KIF21A: variants seen among roughly 807,000 people sequenced by gnomAD.
The protein encoded by KIF21A is kinesin family member 21A.
KIF21A carries 114 observed loss-of-function variants against 202.9 expected under a neutral mutation model. The ratio of observed to expected loss-of-function variants is 0.56; its 90% CI spans 0.48 to 0.66. The LOEUF (loss-of-function observed/expected upper bound fraction) is 0.66. Ranked by LOEUF, KIF21A falls within the 30% of genes least tolerant of loss-of-function variation. The pLI, the probability that KIF21A is intolerant of heterozygous loss-of-function variation, is 0.00. For missense variants in KIF21A, 1,677 were observed against 1,994.9 expected, an observed-to-expected ratio of 0.84 and a Z score of 3.04; for synonymous variants, 667 against 670.8, an observed-to-expected ratio of 0.99 and a Z score of 0.09.
chr12:39,316,295 T>C (rs1944534600), intron 29 of KIF21A, among the ~76,000 whole-genome samples: 1 of 152,114 alleles, frequency 6.6e-6, no homozygotes, highest in Non-Finnish European at 1.5e-5. Context: ...ACTTCAAGGT[T>C]TGCTCTATTT....
chr12:39,390,954 G>T (rs1951302362), intron 1 of KIF21A, among the ~76,000 whole-genome samples: 1 of 152,160 alleles, frequency 6.6e-6, no homozygotes, highest in Non-Finnish European at 1.5e-5. Context: ...AACCCTGTGA[G>T]TATTCTCTAG....
chr12:39,340,143 A>G, intron 16 of KIF21A, 22 bp downstream of exon 16: 1 of 1,586,376 alleles, frequency 6.3e-7, no homozygotes, highest in Non-Finnish European at 8.6e-7. Flanking sequence ...ATCAAACGTT[A>G]ATGGAAAAAA....
At chr12:39,420,159 T>A (rs1954133664) in intron 1 of KIF21A, among the ~76,000 whole-genome samples, 1 of 150,586 alleles carries the variant, frequency 6.6e-6, no homozygotes, top group South Asian at 2.1e-4. Flanking sequence ...GTCACAGATA[T>A]GTGATACTTC....
intron 8 of KIF21A, 70 bp from the exon 9 acceptor site, chr12:39,357,507 C>T: frequency 7.8e-7 from 1 of 1,283,410 alleles, no homozygotes; most frequent in East Asian, 2.3e-5. Flanking sequence ...CTTAAGAATA[C>T]TCTATAACTA....
intron 10 of KIF21A, among the ~76,000 whole-genome samples, chr12:39,352,853 A>G (rs80202667): frequency 0.036 from 5,454 of 152,272 alleles, 340 homozygotes; most frequent in African/African-American, 0.13. Context: ...GAAGACATCA[A>G]ACAATGAAAT....
At chr12:39,435,704 T>C (rs915875526) in intron 1 of KIF21A, among the ~76,000 whole-genome samples, 2 of 143,864 alleles carry the variant, frequency 1.4e-5, no homozygotes, top group African/African-American at 5.2e-5. Flanking sequence ...TTTAGTGAGG[T>C]TGTTATTACT....
At position 39,372,358 on chromosome 12, in the gene KIF21A, T is replaced by G. The variant is rs570583377; in HGVS notation, c.45-2097A>C. 1.2e-4 allele frequency among the ~76,000 whole-genome samples: 19 copies of G among 152,332 alleles called. No homozygotes were observed. In the South Asian group the frequency reaches 3.5e-3, roughly 28 times the overall value. ...AAAGTCTTCAGCTTTGTTTGTTTGC[T>G]GTAATGGAATGTACTAATCAATGTG... On this transcript the variant is annotated intron_variant, in intron 1 of 37. Coordinates refer to ENST00000361418, the MANE Select transcript of KIF21A (RefSeq NM_001173464.2).
At position 39,343,396 on chromosome 12, in the gene KIF21A, AAAAT is replaced by A. The variant is rs542674720; in HGVS notation, c.1713-1276_1713-1273del. On this transcript the variant is annotated intron_variant, in intron 12 of 37. Coordinates refer to ENST00000361418, the MANE Select transcript of KIF21A (RefSeq NM_001173464.2). ...AATTAATTAATTACAATAAATTTAA[AAAAT>A]AAATAAATAGAATACTCAAATAATG... 4.2e-3 allele frequency among the ~76,000 whole-genome samples: 633 copies of A among 152,140 alleles called. 7 individuals carry two copies. Among genetic ancestry groups the A allele is most frequent in the African/African-American group, 0.015 (616 of 41,488 alleles).
intron 1 of KIF21A, among the ~76,000 whole-genome samples, chr12:39,420,149 G>C (rs1214698342): frequency 6.6e-6 from 1 of 151,108 alleles, no homozygotes; most frequent in Non-Finnish European, 1.5e-5. Flanking sequence ...TGTTTGACGA[G>C]TCACAGATAT....
chr12:39,358,925 ATTACT>A (rs1948998328), intron 7 of KIF21A, among the ~76,000 whole-genome samples: 1 of 152,202 alleles, frequency 6.6e-6, no homozygotes, highest in Admixed American at 6.5e-5. Context: ...AGTGGGAAAC[ATTACT>A]TTACGGTCAT....
chr12:39,391,128 T>C (rs996493399), intron 1 of KIF21A, among the ~76,000 whole-genome samples: 4 of 152,204 alleles, frequency 2.6e-5, no homozygotes, highest in Non-Finnish European at 5.9e-5. Context: ...ATTCCATCAC[T>C]GAAACACAAC....
chr12:39,357,227 T>C (rs1435235457), intron 9 of KIF21A, 21 bp downstream of exon 9: 2 of 1,611,052 alleles, frequency 1.2e-6, no homozygotes, highest in South Asian at 2.2e-5. Context: ...ATCCCTCACT[T>C]ATCCCACCCT....
chr12:39,391,746 G>GTTA (rs1400738691), intron 1 of KIF21A, among the ~76,000 whole-genome samples: 2 of 151,922 alleles, frequency 1.3e-5, no homozygotes, highest in Middle Eastern at 3.4e-3. Flanking sequence ...TGTTGTTGTT[G>GTTA]TTGTTGTTGT....
intron 1 of KIF21A, among the ~76,000 whole-genome samples, chr12:39,416,090 G>A (rs759406267): frequency 3.6e-4 from 54 of 151,952 alleles, no homozygotes; most frequent in African/African-American, 9.7e-4. Flanking sequence ...CTGGAATCAA[G>A]CTATTGAAGA....
chr12:39,310,637 C>T (rs1943937589), intron 32 of KIF21A, among the ~76,000 whole-genome samples: 1 of 151,990 alleles, frequency 6.6e-6, no homozygotes, highest in Non-Finnish European at 1.5e-5. Flanking sequence ...TTATGTTATT[C>T]TGTAATCTTG....
intron 17 of KIF21A, among the ~76,000 whole-genome samples, chr12:39,336,380 T>C (rs1028526435): frequency 3.3e-5 from 5 of 152,200 alleles, no homozygotes; most frequent in Non-Finnish European, 2.9e-5. Context: ...CCTTTGAATT[T>C]TCCTTCATTG....
intron 4 of KIF21A, 50 bp from the exon 5 acceptor site, chr12:39,367,214 C>T: frequency 6.3e-7 from 1 of 1,598,072 alleles, no homozygotes; most frequent in Non-Finnish European, 8.6e-7. Flanking sequence ...AAACAAGATA[C>T]TATACAATCC....
intron 14 of KIF21A, 89 bp downstream of exon 14, chr12:39,341,416 G>T: frequency 7.8e-7 from 1 of 1,279,088 alleles, no homozygotes; most frequent in Non-Finnish European, 1.1e-6. Flanking sequence ...CTTTCATCAA[G>T]TATGAAATAG....
chr12:39,347,379 G>A (rs1947993223), intron 11 of KIF21A, among the ~76,000 whole-genome samples: 2 of 151,870 alleles, frequency 1.3e-5, no homozygotes, highest in Non-Finnish European at 1.5e-5. Context: ...TTTACTCAAT[G>A]GAATGTACTG....
Sources: gnomAD v4.1 joint callset for allele counts (sites outside exome capture counted in the v4.1 genomes callset) on GRCh38, gnomAD v4.1.1 for gene constraint, MANE v1.5 for transcripts, NCBI Gene and HGNC (gene_info 2026-07-23, HGNC 2026-07-21) for gene names.